Variants in FHIP1A observed in about 807,000 individuals in gnomAD.
FHIP1A encodes FHF complex subunit HOOK interacting protein 1A, also known as FHF complex subunit HOOK-interacting protein 1A.
FHIP1A carries 61 observed loss-of-function variants against 88.6 expected under a neutral mutation model. The ratio of observed to expected loss-of-function variants is 0.69; its 90% CI spans 0.56 to 0.85. The LOEUF is 0.85. Among genes scored for constraint, FHIP1A ranks in the 40% least tolerant of loss-of-function variants. The pLI is 0.00. For missense variants in FHIP1A, 1,154 were observed against 1,273.5 expected, an observed-to-expected ratio of 0.91 and a Z score of 1.43; for synonymous variants, 478 against 496.0, an observed-to-expected ratio of 0.96 and a Z score of 0.48.
chr4:151,468,462 G>C (rs1729404009), intron 2 of FHIP1A, among the ~76,000 whole-genome samples: 1 of 152,134 alleles, frequency 6.6e-6, no homozygotes, highest in African/African-American at 2.4e-5. Context: ...CCAAAGGCTG[G>C]CCTGGGGTGC....
chr4:151,415,956 T>A (rs1263106852), intron 1 of FHIP1A, among the ~76,000 whole-genome samples: 1 of 152,104 alleles, frequency 6.6e-6, no homozygotes, highest in African/African-American at 2.4e-5. Context: ...TTTTTTTTTT[T>A]TAACATTTTC....
At chr4:151,481,093 C>A (rs1232983145) in intron 2 of FHIP1A, among the ~76,000 whole-genome samples, 6 of 151,932 alleles carry the variant, frequency 3.9e-5, no homozygotes, top group Admixed American at 3.9e-4. Flanking sequence ...TGAATTGCTC[C>A]CCTCAACCCA....
At chr4:151,540,167 G>T (rs1732232412) in intron 3 of FHIP1A, among the ~76,000 whole-genome samples, 1 of 152,162 alleles carries the variant, frequency 6.6e-6, no homozygotes, top group Non-Finnish European at 1.5e-5. Flanking sequence ...AGGAACATAT[G>T]TGTCATTTTT....
At chr4:151,499,334 G>T (rs1730568334) in intron 3 of FHIP1A, among the ~76,000 whole-genome samples, 1 of 151,982 alleles carries the variant, frequency 6.6e-6, no homozygotes, top group Non-Finnish European at 1.5e-5. Context: ...TTCTTCTCTG[G>T]GCTAAAAACT....
At chr4:151,438,708 C>A (rs1271645753) in intron 1 of FHIP1A, among the ~76,000 whole-genome samples, 2 of 149,856 alleles carry the variant, frequency 1.3e-5, no homozygotes, top group African/African-American at 4.9e-5. Flanking sequence ...GTGGCATGAT[C>A]ATAGCTCATT....
chr4:151,585,557 T>C (rs1734180332), intron 5 of FHIP1A, among the ~76,000 whole-genome samples: 1 of 152,184 alleles, frequency 6.6e-6, no homozygotes, highest in African/African-American at 2.4e-5. Flanking sequence ...GATCTCCAAG[T>C]TGCTGCTTAG....
rs1194345498 is a variant in FHIP1A at position 151,664,238 on chromosome 4, C to G, written c.*1484C>G. ...AGCCACAGGTCTGGTGGTTGTGCCT[C>G]AGGAGCACTGGTTTGGTCTTAATCA... On this transcript the variant is annotated 3_prime_UTR_variant, in exon 14 of 14. Transcript: ENST00000435205. 6.6e-6 allele frequency among the ~76,000 whole-genome samples: 1 copy of G among 152,188 alleles called. No individual in the cohort carries two copies. Among genetic ancestry groups the G allele is most frequent in the Non-Finnish European group, 1.5e-5 (1 of 68,042 alleles).
intron 2 of FHIP1A, among the ~76,000 whole-genome samples, chr4:151,455,144 G>T (rs1204704123): frequency 3.3e-5 from 5 of 152,088 alleles, no homozygotes; most frequent in Non-Finnish European, 5.9e-5. Flanking sequence ...AGCATCATGA[G>T]GCTTAGTAAA....
At chr4:151,596,231 ATCTT>A (rs1734642990) in intron 7 of FHIP1A, among the ~76,000 whole-genome samples, 2 of 152,064 alleles carry the variant, frequency 1.3e-5, no homozygotes, top group African/African-American at 4.8e-5. Flanking sequence ...TGGTGACAAA[ATCTT>A]TCCGCATTTG....
chr4:151,557,842 T>G (rs951309013), intron 3 of FHIP1A, among the ~76,000 whole-genome samples: 8 of 152,220 alleles, frequency 5.3e-5, no homozygotes, highest in Admixed American at 4.6e-4. Flanking sequence ...GACACGAGGC[T>G]TTTTCTATTG....
intron 3 of FHIP1A, among the ~76,000 whole-genome samples, chr4:151,555,037 T>C (rs1259203427): frequency 2.0e-5 from 3 of 152,180 alleles, no homozygotes; most frequent in Non-Finnish European, 2.9e-5. Context: ...ATGTTCTGCT[T>C]TGTGGTTCTC....
At chr4:151,523,471 G>C (rs958947345) in intron 3 of FHIP1A, among the ~76,000 whole-genome samples, 6 of 152,166 alleles carry the variant, frequency 3.9e-5, no homozygotes, top group African/African-American at 1.4e-4. Context: ...TAGGGATCCC[G>C]AAGGGAATGG....
At chr4:151,661,130 C>G (rs1338689305) in intron 13 of FHIP1A, among the ~76,000 whole-genome samples, 4 of 152,100 alleles carry the variant, frequency 2.6e-5, no homozygotes, top group South Asian at 2.1e-4. Flanking sequence ...GTCCCAGTCC[C>G]CATTGGAACG....
chr4:151,463,498 C>T (rs1469683140), intron 2 of FHIP1A, among the ~76,000 whole-genome samples: 1 of 152,202 alleles, frequency 6.6e-6, no homozygotes, highest in Non-Finnish European at 1.5e-5. Flanking sequence ...TAGAAGATTA[C>T]ACTTCCTCCT....
At chr4:151,446,145 A>G (rs549057167) in intron 1 of FHIP1A, among the ~76,000 whole-genome samples, 94 of 152,038 alleles carry the variant, frequency 6.2e-4, no homozygotes, top group Middle Eastern at 3.4e-3. Flanking sequence ...GTGGCTCCCC[A>G]TCTTGGACAA....
intron 3 of FHIP1A, among the ~76,000 whole-genome samples, chr4:151,518,833 A>C (rs182426438): frequency 1.2e-3 from 177 of 151,968 alleles, no homozygotes; most frequent in African/African-American, 4.1e-3. Flanking sequence ...CTAATTTTTT[A>C]AAACTGTTTT....
At chr4:151,482,213 G>A (rs145033038) in intron 2 of FHIP1A, among the ~76,000 whole-genome samples, 3 of 151,934 alleles carry the variant, frequency 2.0e-5, no homozygotes, top group African/African-American at 7.2e-5. Flanking sequence ...CATGGATATG[G>A]ATTTATTTTC....
intron 3 of FHIP1A, among the ~76,000 whole-genome samples, chr4:151,565,197 T>C (rs1733336675): frequency 6.6e-6 from 1 of 152,172 alleles, no homozygotes; most frequent in African/African-American, 2.4e-5. Flanking sequence ...AAAAAAATAA[T>C]ATTTTGAATT....
intron 3 of FHIP1A, among the ~76,000 whole-genome samples, chr4:151,504,895 G>A (rs1419710791): frequency 1.3e-5 from 2 of 152,182 alleles, no homozygotes; most frequent in African/African-American, 4.8e-5. Context: ...TAGGATTATA[G>A]GAGGGAGCCG....
Sources: allele counts gnomAD v4.1 joint callset (sites outside exome capture counted in the v4.1 genomes callset), GRCh38; gene constraint gnomAD v4.1.1; transcripts MANE v1.5; gene names NCBI Gene and HGNC (gene_info 2026-07-23, HGNC 2026-07-21).